Variants in CTNND2 observed in about 807,000 individuals in gnomAD.
CTNND2 encodes catenin delta 2.
Under a neutral mutation model 144.4 loss-of-function variants are expected in CTNND2, and 22 were observed. That is an observed-to-expected ratio of 0.15 (90% CI 0.11 to 0.22). The LOEUF is 0.22. Ranked by LOEUF, CTNND2 falls within the 10% of genes least tolerant of loss-of-function variation. CTNND2 has a pLI of 1.00. For missense variants in CTNND2, 1,353 were observed against 1,618.8 expected (o/e 0.84, Z 2.82); for synonymous variants, 751 against 695.6 (o/e 1.08, Z -1.25).
chr5:11,841,408 T>C (rs1021111036), intron 1 of CTNND2, among the ~76,000 whole-genome samples: 2 of 152,184 alleles, frequency 1.3e-5, no homozygotes, highest in African/African-American at 4.8e-5. Flanking sequence ...ACTTGGAATA[T>C]GGATCACTGT....
At chr5:11,869,772 AT>A (rs1795939317) in intron 1 of CTNND2, among the ~76,000 whole-genome samples, 9 of 152,214 alleles carry the variant, frequency 5.9e-5, no homozygotes, top group Admixed American at 5.9e-4. Flanking sequence ...TTTCAAAAGT[AT>A]TTTGTCCAAG....
At chr5:11,700,531 G>T (rs780339444) in intron 2 of CTNND2, among the ~76,000 whole-genome samples, 7 of 152,144 alleles carry the variant, frequency 4.6e-5, no homozygotes, top group African/African-American at 7.2e-5. Context: ...GCGTGCTGGG[G>T]GAGTAAGCCA....
intron 3 of CTNND2, among the ~76,000 whole-genome samples, chr5:11,548,688 A>C (rs1490953238): frequency 2.6e-5 from 4 of 152,220 alleles, no homozygotes; most frequent in Admixed American, 6.5e-5. Context: ...GGAACAACGA[A>C]GGAAGTTAAA....
intron 3 of CTNND2, among the ~76,000 whole-genome samples, chr5:11,445,388 C>A (rs944081691): frequency 6.6e-6 from 1 of 152,182 alleles, no homozygotes; most frequent in Non-Finnish European, 1.5e-5. Context: ...CACGGTTTCC[C>A]GAGATTAGGA....
intron 3 of CTNND2, among the ~76,000 whole-genome samples, chr5:11,515,354 A>G (rs1404215256): frequency 6.6e-6 from 1 of 152,198 alleles, no homozygotes; most frequent in Non-Finnish European, 1.5e-5. Context: ...ACAGTAACGC[A>G]ATGTGACAAA....
chr5:11,117,403 G>C (rs777392326), intron 13 of CTNND2, 47 bp downstream of exon 13: 39 of 1,428,744 alleles, frequency 2.7e-5, no homozygotes, highest in Non-Finnish European at 3.9e-5. Context: ...GAGTCCCGTG[G>C]GAGTCTTTAT....
At chr5:11,272,279 A>G (rs1355287990) in intron 9 of CTNND2, among the ~76,000 whole-genome samples, 1 of 152,216 alleles carries the variant, frequency 6.6e-6, no homozygotes, top group Non-Finnish European at 1.5e-5. Flanking sequence ...ATAGCCACTC[A>G]GATTATTTTA....
intron 3 of CTNND2, among the ~76,000 whole-genome samples, chr5:11,471,484 A>G (rs531923341): frequency 5.4e-4 from 82 of 152,348 alleles, no homozygotes; most frequent in Non-Finnish European, 9.1e-4. Context: ...ACTTTTAAAA[A>G]AATCACAGTG....
chr5:11,311,935 ACACT>A (rs1298563199), intron 9 of CTNND2, among the ~76,000 whole-genome samples: 1 of 138,168 alleles, frequency 7.2e-6, no homozygotes, highest in Non-Finnish European at 1.5e-5. Context: ...CCCCCCACAC[ACACT>A]CACACACACT....
intron 2 of CTNND2, among the ~76,000 whole-genome samples, chr5:11,714,601 T>C (rs1335686269): frequency 6.6e-6 from 1 of 152,096 alleles, no homozygotes; most frequent in East Asian, 1.9e-4. Flanking sequence ...ATCTTCCTCA[T>C]ATGTAAATTG....
chr5:11,518,838 G>C (rs563282051), intron 3 of CTNND2, among the ~76,000 whole-genome samples: 22 of 152,092 alleles, frequency 1.4e-4, no homozygotes, highest in Non-Finnish European at 1.5e-5. Context: ...TACACTCTAC[G>C]ATGTTCACAC....
intron 1 of CTNND2, among the ~76,000 whole-genome samples, chr5:11,901,491 G>A (rs1336550303): frequency 4.6e-5 from 7 of 152,136 alleles, no homozygotes. Context: ...GAAAGAATTG[G>A]CTTATATTCT....
chr5:11,210,664 A>C (rs1162845337), intron 10 of CTNND2, among the ~76,000 whole-genome samples: 15 of 152,220 alleles, frequency 9.9e-5, no homozygotes. Context: ...CCTCACATAA[A>C]TTTTGAAAAC....
intron 18 of CTNND2, among the ~76,000 whole-genome samples, chr5:10,995,005 G>A (rs1261643184): frequency 1.3e-5 from 2 of 152,180 alleles, no homozygotes; most frequent in African/African-American, 4.8e-5. Flanking sequence ...CAGGAACAAT[G>A]GGAGGGAGGG....
At chr5:11,845,564 T>C (rs1794695436) in intron 1 of CTNND2, among the ~76,000 whole-genome samples, 1 of 152,136 alleles carries the variant, frequency 6.6e-6, no homozygotes. Flanking sequence ...ACAGAAAAGG[T>C]TGCTAGGGAA....
chr5:11,511,071 T>A (rs1771595649), intron 3 of CTNND2, among the ~76,000 whole-genome samples: 1 of 152,240 alleles, frequency 6.6e-6, no homozygotes, highest in African/African-American at 2.4e-5. Flanking sequence ...GTATGCTAAC[T>A]GTATGCTAAT....
At chr5:11,151,106 T>C (rs530301952) in intron 12 of CTNND2, among the ~76,000 whole-genome samples, 1 of 152,244 alleles carries the variant, frequency 6.6e-6, no homozygotes, top group African/African-American at 2.4e-5. Context: ...GGCCCAACTT[T>C]GGTAAATGTC....
At chr5:11,316,627 G>A (rs1361110534) in intron 9 of CTNND2, among the ~76,000 whole-genome samples, 1 of 151,660 alleles carries the variant, frequency 6.6e-6, no homozygotes, top group African/African-American at 2.4e-5. Context: ...ATCTTCCAAT[G>A]CTATCCCTCC....
intron 9 of CTNND2, among the ~76,000 whole-genome samples, chr5:11,323,714 T>C (rs549838149): frequency 2.8e-3 from 423 of 152,298 alleles, no homozygotes; most frequent in Non-Finnish European, 5.0e-3. Context: ...GTTTTTGCCA[T>C]TGAAAGCAAT....
Sources: allele counts gnomAD v4.1 joint callset (sites outside exome capture counted in the v4.1 genomes callset), GRCh38; gene constraint gnomAD v4.1.1; transcripts MANE v1.5; gene names NCBI Gene and HGNC (gene_info 2026-07-23, HGNC 2026-07-21).